Variants in ING5 observed in about 807,000 individuals in gnomAD.
ING5 encodes the protein inhibitor of growth protein 5.
ING5 carries 17 observed loss-of-function variants against 37.4 expected under a neutral mutation model. That is an observed-to-expected ratio of 0.45 (90% CI 0.31 to 0.68). The LOEUF (loss-of-function observed/expected upper bound fraction) is 0.68. Ranked by LOEUF, ING5 falls within the 30% of genes least tolerant of loss-of-function variation. ING5 has a pLI of 0.05. For missense variants in ING5, 233 were observed against 311.9 expected (o/e 0.75, Z 1.91); for synonymous variants, 123 against 116.6 (o/e 1.06, Z -0.36).
chr2:241,703,107 G>A (rs2069794220), intron 1 of ING5, among the ~76,000 whole-genome samples: 1 of 151,944 alleles, frequency 6.6e-6, no homozygotes, highest in African/African-American at 2.4e-5. Context: ...GGGTAGAAGA[G>A]TCAAGCTGGG....
intron 2 of ING5, 93 bp from the exon 3 acceptor site, chr2:241,709,123 A>G (rs2070021361): frequency 1.5e-6 from 2 of 1,368,782 alleles, no homozygotes; most frequent in Non-Finnish European, 2.0e-6. Context: ...TCTTTGCCAC[A>G]ACTTGGCGTT....
intron 2 of ING5, 38 bp downstream of exon 2, chr2:241,704,762 C>G: frequency 6.4e-7 from 1 of 1,555,738 alleles, no homozygotes. Context: ...GAACTGAGTT[C>G]TGACAGGTGG....
intron 5 of ING5, among the ~76,000 whole-genome samples, chr2:241,714,451 G>GTTGTC (rs2124925445): frequency 6.6e-6 from 1 of 152,238 alleles, no homozygotes; most frequent in South Asian, 2.1e-4. Context: ...TGTCTTTCAA[G>GTTGTC]AAATTTGTTT....
At chr2:241,705,005 A>G (rs1220220839) in intron 2 of ING5, among the ~76,000 whole-genome samples, 1 of 152,178 alleles carries the variant, frequency 6.6e-6, no homozygotes, top group East Asian at 1.9e-4. Context: ...AATATTTTCA[A>G]TTTTCAAAGT....
intron 2 of ING5, among the ~76,000 whole-genome samples, chr2:241,693,807 A>G (rs2069592927): frequency 1.3e-5 from 2 of 151,000 alleles, no homozygotes; most frequent in Admixed American, 6.6e-5. Flanking sequence ...ACAGGCACCC[A>G]CCACCATGCC....
chr2:241,728,466 G>A lies in ING5; in HGVS notation c.*3435G>A, dbSNP rs1691705821. On this transcript the variant is annotated 3_prime_UTR_variant, in exon 8 of 8. Transcript: ENST00000313552. ...GTGGCTGTGCGATTGACCTCGATGG[G>A]AAGGAGCGTTCTACCCATTTTCCTT... The A allele has an allele frequency of 6.5e-6, 1 of 152,772 alleles. No homozygotes were observed. The highest frequency in any genetic ancestry group is 2.4e-5 in the African/African-American group (1 of 41,464). 9.5% of individuals were successfully genotyped at this position (152,772 alleles called of 1,614,324 possible).
At chr2:241,707,203 C>T (rs2069946367) in intron 2 of ING5, among the ~76,000 whole-genome samples, 2 of 152,024 alleles carry the variant, frequency 1.3e-5, no homozygotes, top group African/African-American at 4.8e-5. Flanking sequence ...AGGTGATCTG[C>T]CCGCCTTGGC....
intron 2 of ING5, among the ~76,000 whole-genome samples, chr2:241,692,769 G>T (rs140806137): frequency 6.6e-6 from 1 of 151,948 alleles, no homozygotes; most frequent in Non-Finnish European, 1.5e-5. Flanking sequence ...CACCTTCCAT[G>T]ATCCCCTTAA....
At chr2:241,713,058 CTT>C (rs112809236) in intron 5 of ING5, among the ~76,000 whole-genome samples, 15 of 136,408 alleles carry the variant, frequency 1.1e-4, no homozygotes, top group South Asian at 2.4e-4. Context: ...GGACAATTTT[CTT>C]TTTTTTTTTT....
chr2:241,702,134 G>A (rs1296041240), intron 1 of ING5, 32 bp downstream of exon 1: 12 of 1,267,466 alleles, frequency 9.5e-6, no homozygotes, highest in Non-Finnish European at 1.2e-5. Context: ...CGCGCCCGCC[G>A]CCCACGCGGA....
chr2:241,724,024 A>G lies in ING5; in HGVS notation c.680+753A>G, dbSNP rs1263470550. On this transcript the variant is annotated intron_variant, in intron 7 of 7. Coordinates refer to ENST00000313552, the MANE Select transcript of ING5 (RefSeq NM_032329.6). ...GACCCTGTCTCAAATAAATAAATAA[A>G]AAGATAAAAACCTGGCTTTGTTTGC... 2.2e-6 allele frequency: 3 copies of G among 1,389,782 alleles called. No homozygotes were observed. The East Asian group carries it at 7.8e-5, about 36-fold the overall frequency. 86.1% of individuals were successfully genotyped at this position (1,389,782 alleles called of 1,614,324 possible).
chr2:241,710,631 T>C (rs929595378), intron 3 of ING5, among the ~76,000 whole-genome samples: 1 of 152,198 alleles, frequency 6.6e-6, no homozygotes, highest in African/African-American at 2.4e-5. Context: ...ATTACAGGCA[T>C]GCGCCACCAA....
At chr2:241,718,916 G>A (rs2070353171) in intron 5 of ING5, among the ~76,000 whole-genome samples, 1 of 152,210 alleles carries the variant, frequency 6.6e-6, no homozygotes, top group South Asian at 2.1e-4. Flanking sequence ...TTTCCCTGCT[G>A]AGGGTACATG....
At chr2:241,704,327 AGAGGCC>A (rs966662497) in intron 1 of ING5, among the ~76,000 whole-genome samples, 8 of 152,112 alleles carry the variant, frequency 5.3e-5, no homozygotes, top group African/African-American at 1.7e-4. Flanking sequence ...CAGCACTTTG[AGAGGCC>A]GAGGTGGGCG....
At chr2:241,722,090 C>T in intron 5 of ING5, 1 of 985,230 alleles carries the variant, frequency 1.0e-6, no homozygotes, top group Non-Finnish European at 1.2e-6. Flanking sequence ...GGCAGAGGTG[C>T]CTGAGTAGGT....
chr2:241,726,521 T>A lies in ING5; in HGVS notation c.*1490T>A, dbSNP rs148620827. On this transcript the variant is annotated 3_prime_UTR_variant, in exon 8 of 8. Coordinates refer to ENST00000313552, the MANE Select transcript of ING5 (RefSeq NM_032329.6). ...CTGGTTGGGATGGTGTCCACATTCA[T>A]GTTCTGCGGTTCTTGAACACACGGA... The A allele has an allele frequency of 6.6e-6, 1 of 152,238 alleles. No individual in the cohort carries two copies. The highest frequency in any genetic ancestry group is 1.5e-5 in the Non-Finnish European group (1 of 68,070). The allele number at this position is 152,238 out of a possible 1,614,324, so 9.4% of individuals were successfully genotyped here.
chr2:241,711,435 A>G lies in ING5; in HGVS notation c.335A>G (p.Lys112Arg). The G allele has an allele frequency of 6.2e-7, 1 of 1,603,556 alleles. No individual in the cohort carries two copies. The highest frequency in any genetic ancestry group is 8.5e-7 in the Non-Finnish European group (1 of 1,175,970). ...CTGGCGCGCTTTGAAGCAGATCTGA[A>G]GGACAAGATGGAGGGCAGTGATTTT... ...ADLARFEADL[K>R]DKMEGSDFES... Residue 112 changes from lysine to arginine, a missense_variant, in exon 4 of 8, where the codon AAG becomes AGG. Around this residue, in one of 4 missense-constraint regions of ING5, gnomAD observed 76 missense variants for 68.2 expected, o/e 1.11. Coordinates refer to ENST00000313552, the MANE Select transcript of ING5 (RefSeq NM_032329.6).
At chr2:241,693,578 G>A (rs2069589001) in intron 2 of ING5, among the ~76,000 whole-genome samples, 1 of 151,378 alleles carries the variant, frequency 6.6e-6, no homozygotes, top group Non-Finnish European at 1.5e-5. Context: ...AAGGAATGTG[G>A]GTCCCTGAGA....
intron 5 of ING5, among the ~76,000 whole-genome samples, chr2:241,715,791 AT>A (rs71406480): frequency 0.22 from 31,951 of 145,498 alleles, 4,329 homozygotes; most frequent in Middle Eastern, 0.37. Flanking sequence ...CTGACCTAGA[AT>A]TTTTTTTTTC....
Sources: allele counts gnomAD v4.1 joint callset (sites outside exome capture counted in the v4.1 genomes callset), GRCh38; gene constraint gnomAD v4.1.1; regional missense constraint gnomAD v4.1.1; transcripts MANE v1.5; gene names NCBI Gene and HGNC (gene_info 2026-07-23, HGNC 2026-07-21).